TULP4: variants seen among roughly 807,000 people sequenced by gnomAD.
TULP4 encodes tubby-related protein 4.
TULP4 carries 16 observed loss-of-function variants against 129.0 expected under a neutral mutation model. That is an observed-to-expected ratio of 0.12 (90% CI 0.08 to 0.19). The LOEUF is 0.19. TULP4 is among the 10% of genes least tolerant of loss of function. The pLI, the probability that TULP4 is intolerant of heterozygous loss-of-function variation, is 1.00. For synonymous variants in TULP4, 998 were observed against 854.0 expected, an observed-to-expected ratio of 1.17 and a Z score of -2.94; for missense variants, 1,842 against 2,059.1, an observed-to-expected ratio of 0.89 and a Z score of 2.04.
intron 1 of TULP4, among the ~76,000 whole-genome samples, chr6:158,271,718 C>T (rs1211691548): frequency 1.3e-5 from 2 of 152,206 alleles, no homozygotes; most frequent in Non-Finnish European, 2.9e-5. Flanking sequence ...GCATGAGCCA[C>T]CACGCCTGGC....
At chr6:158,427,471 C>CTTTTTTTTTTTTTTTTTTTTTTTTTT (rs557678837) in intron 2 of TULP4, among the ~76,000 whole-genome samples, 5 of 74,126 alleles carry the variant, frequency 6.7e-5, no homozygotes, top group African/African-American at 1.9e-4. Context: ...ATTATCAGAC[C>CTTTTTTTTTTTTTTTTTTTTTTTTTT]TTTTTTTTTT....
chr6:158,280,771 G>T (rs1188375973), upstream of TULP4, among the ~76,000 whole-genome samples: 1 of 152,222 alleles, frequency 6.6e-6, no homozygotes, highest in Non-Finnish European at 1.5e-5. Context: ...TTTAAATTGG[G>T]AGAGAGAAAT....
Position 158,510,377 on chromosome 6 carries a change from G to A in TULP4, c.*3683G>A, listed in dbSNP as rs1780710376. ...CTGCTCTGCCACAGGGTTGGATGGT[G>A]ACCTTGGGCAAGTCCCTGGGGCTGG... On this transcript the variant is annotated 3_prime_UTR_variant, in exon 14 of 14. Coordinates refer to ENST00000367097, the MANE Select transcript of TULP4 (RefSeq NM_020245.5). 6.6e-6 allele frequency: 1 copy of A among 152,216 alleles called. No individual in the cohort carries two copies. The highest frequency in any genetic ancestry group is 6.5e-5 in the Admixed American group (1 of 15,288). The allele number at this position is 152,216 out of a possible 1,614,324, so 9.4% of individuals were successfully genotyped here.
At chr6:158,328,079 G>GGTGT (rs766393090) in intron 1 of TULP4, among the ~76,000 whole-genome samples, 3,364 of 120,406 alleles carry the variant, frequency 0.028, 122 homozygotes, top group East Asian at 0.059. Flanking sequence ...TCTCAGAGCT[G>GGTGT]GTGTGTGTGT....
At chr6:158,270,780 C>T (rs1235747001) in intron 1 of TULP4, among the ~76,000 whole-genome samples, 2 of 152,226 alleles carry the variant, frequency 1.3e-5, no homozygotes, top group Non-Finnish European at 2.9e-5. Context: ...CTCCAGGCTT[C>T]CTTGTGCTTA....
intron 13 of TULP4, 96 bp from the exon 14 acceptor site, chr6:158,506,482 C>T (rs1780605732): frequency 1.2e-6 from 1 of 811,708 alleles, no homozygotes; most frequent in Admixed American, 1.7e-5. Flanking sequence ...CTGCCCACCT[C>T]GGCCTCCCAA....
In TULP4 at chr6:158,236,795, C is replaced by CTTTTCTTTTT. The variant is rs1554272522; in HGVS notation, n.68+4496_68+4497insCTTTTTTTTT. 1.5e-3 allele frequency among the ~76,000 whole-genome samples: 95 copies of CTTTTCTTTTT among 63,304 alleles called. 13 individuals are homozygous for CTTTTCTTTTT. The highest frequency in any genetic ancestry group is 0.011 in the Middle Eastern group (1 of 92). The allele number at this position is 63,304 out of a possible 152,430, so 41.5% of individuals were successfully genotyped here. A position where few individuals can be genotyped will look rare whatever the true frequency, so the allele number is the denominator to read the frequency against. On this transcript the variant is annotated intron_variant and non_coding_transcript_variant, in intron 1 of 1. Coordinates refer to the TULP4 transcript ENST00000620026. ...AGATGGGTAAATGCCCAATTCTTTTCTTTTTTTTTTTTTTTTTTTTTTTTT... is the reference window on the plus strand; with the variant it reads ...AGATGGGTAAATGCCCAATTCTTTTCTTTTCTTTTTTTTTTTTTTTTTTTTTTTTTTTTTT...
At chr6:158,444,205 GCAAGAC>G in intron 3 of TULP4, among the ~76,000 whole-genome samples, 1 of 98,434 alleles carries the variant, frequency 1.0e-5, no homozygotes, top group African/African-American at 4.1e-5. Context: ...GGGCGACAGA[GCAAGAC>G]TCTGTCTCAA....
chr6:158,360,936 G>T (rs563040240), intron 1 of TULP4, among the ~76,000 whole-genome samples: 9 of 152,090 alleles, frequency 5.9e-5, no homozygotes, highest in Non-Finnish European at 1.2e-4. Flanking sequence ...TTGAACTTAG[G>T]TCTCCAATTT....
At chr6:158,473,412 A>G (rs193241260) in intron 6 of TULP4, among the ~76,000 whole-genome samples, 1 of 152,364 alleles carries the variant, frequency 6.6e-6, no homozygotes, top group African/African-American at 2.4e-5. Flanking sequence ...ACTAGCTTTT[A>G]TTACTACAAT....
intron 6 of TULP4, among the ~76,000 whole-genome samples, chr6:158,478,114 A>AG (rs1295031063): frequency 5.9e-5 from 9 of 152,154 alleles, no homozygotes; most frequent in Admixed American, 5.9e-4. Context: ...GGGAGGAGGG[A>AG]GGAGGGAGAA....
At chr6:158,244,416 AC>A (rs1302034148) in intron 1 of TULP4, among the ~76,000 whole-genome samples, 1 of 151,990 alleles carries the variant, frequency 6.6e-6, no homozygotes, top group Non-Finnish European at 1.5e-5. Context: ...GAGTCCCCCT[AC>A]CCCCGTTCAT....
At chr6:158,463,059 A>G (rs1779476838) in intron 6 of TULP4, among the ~76,000 whole-genome samples, 1 of 151,996 alleles carries the variant, frequency 6.6e-6, no homozygotes, top group Non-Finnish European at 1.5e-5. Context: ...TGGCCTACCT[A>G]CCCTGTGTCT....
chr6:158,240,244 G>C (rs868814382), intron 1 of TULP4, among the ~76,000 whole-genome samples: 5 of 68,116 alleles, frequency 7.3e-5, no homozygotes, highest in African/African-American at 2.1e-4. Context: ...CCTCCCGGAC[G>C]GGGCGGCTGG....
intron 1 of TULP4, among the ~76,000 whole-genome samples, chr6:158,342,568 C>T (rs1414600097): frequency 1.3e-5 from 2 of 152,162 alleles, no homozygotes; most frequent in Non-Finnish European, 2.9e-5. Context: ...AATAATGAGA[C>T]AACTAATGTA....
chr6:158,455,409 C>G (rs988467954), intron 5 of TULP4, among the ~76,000 whole-genome samples: 2 of 151,870 alleles, frequency 1.3e-5, no homozygotes, highest in East Asian at 1.9e-4. Context: ...AACTAGATAT[C>G]TAAATCTAAC....
intron 2 of TULP4, among the ~76,000 whole-genome samples, chr6:158,429,000 A>G (rs1488105456): frequency 6.6e-6 from 1 of 152,222 alleles, no homozygotes; most frequent in African/African-American, 2.4e-5. Context: ...AAATTTCTTT[A>G]GAGACAATAC....
chr6:158,455,048 A>G, intron 5 of TULP4, among the ~76,000 whole-genome samples: 1 of 118,330 alleles, frequency 8.5e-6, no homozygotes, highest in African/African-American at 3.7e-5. Context: ...ATACAGGCAA[A>G]TTTAACATTT....
chr6:158,371,309 A>G (rs1470948244), intron 1 of TULP4, among the ~76,000 whole-genome samples: 1 of 152,182 alleles, frequency 6.6e-6, no homozygotes, highest in Non-Finnish European at 1.5e-5. Context: ...ATGGGGCCCT[A>G]GTGACACTGG....
Sources: gnomAD v4.1 joint callset for allele counts (sites outside exome capture counted in the v4.1 genomes callset) on GRCh38, gnomAD v4.1.1 for gene constraint, MANE v1.5 for transcripts, NCBI Gene and HGNC (gene_info 2026-07-23, HGNC 2026-07-21) for gene names.